PCDH9: variants seen among roughly 807,000 people sequenced by gnomAD.
PCDH9 encodes protocadherin 9.
PCDH9 carries 24 observed loss-of-function variants against 70.6 expected under a neutral mutation model. That is an observed-to-expected ratio of 0.34 (90% CI 0.25 to 0.48). The LOEUF (loss-of-function observed/expected upper bound fraction) is 0.48. PCDH9 is among the 20% of genes least tolerant of loss of function. The pLI is 0.99. For missense variants in PCDH9, 1,281 were observed against 1,503.6 expected, an observed-to-expected ratio of 0.85 and a Z score of 2.45; for synonymous variants, 562 against 558.5, an observed-to-expected ratio of 1.01 and a Z score of -0.09.
intron 4 of PCDH9, among the ~76,000 whole-genome samples, chr13:66,498,716 A>AT (rs1163292660): frequency 6.7e-6 from 1 of 150,270 alleles, no homozygotes; most frequent in Admixed American, 6.6e-5. Flanking sequence ...AAGGTCCTGA[A>AT]AAAATTTTTT....
chr13:66,805,753 A>G (rs991367261), intron 3 of PCDH9, among the ~76,000 whole-genome samples: 1 of 152,156 alleles, frequency 6.6e-6, no homozygotes, highest in African/African-American at 2.4e-5. Context: ...TTTCTTTCTT[A>G]TTTATTTTGC....
chr13:66,905,170 G>C (rs1470460121), intron 2 of PCDH9, among the ~76,000 whole-genome samples: 2 of 151,410 alleles, frequency 1.3e-5, no homozygotes, highest in African/African-American at 2.4e-5. Flanking sequence ...CTTCACAGCA[G>C]CTTTTTTGGC....
rs1234007670 is a variant in PCDH9 at position 66,980,729 on chromosome 13, TG to T, written c.3037-77125del. 2.1e-3 allele frequency among the ~76,000 whole-genome samples: 234 copies of T among 110,022 alleles called. 1 individual carries two copies. Among genetic ancestry groups the T allele is most frequent in the African/African-American group, 5.9e-3 (161 of 27,290 alleles). The allele number at this position is 110,022 out of a possible 152,430, so 72.2% of individuals were successfully genotyped here. Reference sequence around the variant, plus strand: ...TTTTGTTTTTTCCTGTTTTTTTCTTTGTTTTTTTTTTTGTTTTTTTTTTTAC... The same window carrying T: ...TTTTGTTTTTTCCTGTTTTTTTCTTTTTTTTTTTTTTGTTTTTTTTTTTAC... On this transcript the variant is annotated intron_variant, in intron 2 of 4. Transcript: ENST00000377865.
intron 4 of PCDH9, among the ~76,000 whole-genome samples, chr13:66,411,104 A>T (rs368869807): frequency 6.6e-6 from 1 of 152,220 alleles, no homozygotes; most frequent in East Asian, 1.9e-4. Context: ...AAATTTACTC[A>T]TATCACAGGA....
At chr13:66,338,629 A>AGT (rs1381579838) in intron 4 of PCDH9, among the ~76,000 whole-genome samples, 1 of 150,392 alleles carries the variant, frequency 6.6e-6, no homozygotes, top group Non-Finnish European at 1.5e-5. Flanking sequence ...TATTGTGAAA[A>AGT]GTGTGTGTGT....
At chr13:67,194,729 G>A (rs989683537) in intron 2 of PCDH9, among the ~76,000 whole-genome samples, 3 of 152,066 alleles carry the variant, frequency 2.0e-5, no homozygotes, top group Non-Finnish European at 2.9e-5. Context: ...GCCAGGAAAT[G>A]GAGAGCATTT....
intron 3 of PCDH9, among the ~76,000 whole-genome samples, chr13:66,752,215 T>G (rs1341402477): frequency 6.6e-6 from 1 of 152,172 alleles, no homozygotes; most frequent in African/African-American, 2.4e-5. Flanking sequence ...AAAAGTCAAG[T>G]TGGAAGAATT....
chr13:67,116,318 C>G (rs959112504), intron 2 of PCDH9, among the ~76,000 whole-genome samples: 3 of 152,062 alleles, frequency 2.0e-5, no homozygotes, highest in Non-Finnish European at 4.4e-5. Context: ...AATTACATCT[C>G]TCTATTTAAG....
At chr13:66,995,240 C>T (rs1165822818) in intron 2 of PCDH9, among the ~76,000 whole-genome samples, 1 of 152,176 alleles carries the variant, frequency 6.6e-6, no homozygotes, top group African/African-American at 2.4e-5. Flanking sequence ...AAATGTAAAG[C>T]ATGGTTATGG....
chr13:66,549,166 CAT>C (rs1243045533), intron 4 of PCDH9, among the ~76,000 whole-genome samples: 1 of 151,730 alleles, frequency 6.6e-6, no homozygotes, highest in East Asian at 1.9e-4. Flanking sequence ...AAAATATATA[CAT>C]GTGTATATAT....
intron 4 of PCDH9, among the ~76,000 whole-genome samples, chr13:66,548,800 T>C (rs1007184620): frequency 5.9e-5 from 9 of 152,158 alleles, no homozygotes; most frequent in African/African-American, 2.2e-4. Context: ...TTATGTTTAC[T>C]TTTTAAATTT....
intron 2 of PCDH9, among the ~76,000 whole-genome samples, chr13:67,017,377 AT>A (rs2084584295): frequency 6.6e-6 from 1 of 152,230 alleles, no homozygotes; most frequent in African/African-American, 2.4e-5. Flanking sequence ...ACTTTTGGGA[AT>A]CTAAATAAAT....
chr13:66,367,684 T>C (rs922804009), intron 4 of PCDH9, among the ~76,000 whole-genome samples: 3 of 152,144 alleles, frequency 2.0e-5, no homozygotes, highest in African/African-American at 7.2e-5. Context: ...CCTCACATTT[T>C]TGAAGGGGTG....
intron 3 of PCDH9, among the ~76,000 whole-genome samples, chr13:66,684,073 C>T (rs933584206): frequency 6.6e-6 from 1 of 152,108 alleles, no homozygotes; most frequent in African/African-American, 2.4e-5. Context: ...CAGTACAATG[C>T]CTCACACATA....
chr13:67,026,451 C>A (rs868414331), intron 2 of PCDH9, among the ~76,000 whole-genome samples: 3 of 151,996 alleles, frequency 2.0e-5, no homozygotes, highest in Non-Finnish European at 2.9e-5. Context: ...ACCCACAGCC[C>A]ATATCATACT....
intron 3 of PCDH9, among the ~76,000 whole-genome samples, chr13:66,674,879 G>T (rs191386336): frequency 9.1e-4 from 138 of 152,122 alleles, no homozygotes; most frequent in Non-Finnish European, 1.9e-4. Flanking sequence ...TCAAAGTGTG[G>T]TTCATTTATG....
At chr13:67,155,230 A>T (rs1566460762) in intron 2 of PCDH9, among the ~76,000 whole-genome samples, 1 of 152,224 alleles carries the variant, frequency 6.6e-6, no homozygotes, top group East Asian at 1.9e-4. Context: ...GGCTCAAGTT[A>T]TTCCAGTATC....
intron 4 of PCDH9, among the ~76,000 whole-genome samples, chr13:66,357,615 T>C (rs1311962915): frequency 6.6e-6 from 1 of 152,070 alleles, no homozygotes; most frequent in African/African-American, 2.4e-5. Flanking sequence ...GTTAAAATTC[T>C]TAGTTGCTTA....
At chr13:67,214,618 T>C (rs1396944870) in intron 2 of PCDH9, 1 of 152,074 alleles carries the variant, frequency 6.6e-6, no homozygotes, top group Middle Eastern at 3.2e-3. Flanking sequence ...GAAGCAATTA[T>C]ACAAATGTGA....
Sources: allele counts gnomAD v4.1 joint callset (sites outside exome capture counted in the v4.1 genomes callset), GRCh38; gene constraint gnomAD v4.1.1; transcripts MANE v1.5; gene names NCBI Gene and HGNC (gene_info 2026-07-23, HGNC 2026-07-21).